The following ITPR2 variants were observed in gnomAD, a reference collection of about 807,000 sequenced individuals.
ITPR2 encodes inositol 1,4,5-trisphosphate-gated calcium channel ITPR2.
A neutral mutation model predicts 317.1 loss-of-function variants in ITPR2; 207 were observed. The ratio of observed to expected loss-of-function variants is 0.65; its 90% confidence interval spans 0.58 to 0.73. The LOEUF is 0.73. Among genes scored for constraint, ITPR2 ranks in the 30% least tolerant of loss-of-function variants. The probability of loss-of-function intolerance (pLI) is 0.00; values close to 1 mark genes in which losing one functional copy is unlikely to be tolerated. For synonymous variants in ITPR2, 1,156 were observed against 1,149.1 expected, an observed-to-expected ratio of 1.01 and a Z score of -0.12; for missense variants, 2,613 against 3,284.0, an observed-to-expected ratio of 0.80 and a Z score of 4.99.
chr12:26,692,221 G>A (rs968288533), intron 10 of ITPR2, among the ~76,000 whole-genome samples: 14 of 146,938 alleles, frequency 9.5e-5, no homozygotes, highest in African/African-American at 2.9e-4. Flanking sequence ...CACATAGACC[G>A]GTGGTTCTCA....
intron 1 of ITPR2, among the ~76,000 whole-genome samples, chr12:26,801,551 G>A (rs1950556140): frequency 6.6e-6 from 1 of 152,166 alleles, no homozygotes; most frequent in Non-Finnish European, 1.5e-5. Context: ...TTTGGAGGAT[G>A]CCTGTCTCTC....
chr12:26,539,089 C>A (rs576492771), intron 37 of ITPR2, among the ~76,000 whole-genome samples: 86 of 152,238 alleles, frequency 5.6e-4, no homozygotes, highest in Non-Finnish European at 1.1e-3. Context: ...GCCTCATATA[C>A]CAGGTTGCAA....
intron 2 of ITPR2, among the ~76,000 whole-genome samples, chr12:26,760,930 G>A (rs1949619574): frequency 6.6e-6 from 1 of 152,248 alleles, no homozygotes; most frequent in South Asian, 2.1e-4. Flanking sequence ...AGCCTCCATG[G>A]TCCCAGGCAC....
intron 1 of ITPR2, among the ~76,000 whole-genome samples, chr12:26,830,526 C>T (rs1592166853): frequency 6.6e-6 from 1 of 152,200 alleles, no homozygotes; most frequent in African/African-American, 2.4e-5. Context: ...GGCATTAATG[C>T]CCTCTGTTTC....
chr12:26,807,162 C>G (rs1350412670), intron 1 of ITPR2, among the ~76,000 whole-genome samples: 1 of 151,656 alleles, frequency 6.6e-6, no homozygotes, highest in African/African-American at 2.4e-5. Context: ...GCACTCCGGC[C>G]TGGGTAACAG....
intron 21 of ITPR2, among the ~76,000 whole-genome samples, chr12:26,639,716 C>T (rs1045842080): frequency 3.4e-5 from 5 of 147,974 alleles, no homozygotes; most frequent in African/African-American, 1.0e-4. Flanking sequence ...TGAGAATATG[C>T]GGTGTTTGGT....
intron 55 of ITPR2, among the ~76,000 whole-genome samples, chr12:26,353,986 GT>G (rs1455223008): frequency 6.6e-6 from 1 of 152,084 alleles, no homozygotes; most frequent in Non-Finnish European, 1.5e-5. Flanking sequence ...ATTAAAAACT[GT>G]TTTGGGCCAG....
chr12:26,621,056 C>T, intron 26 of ITPR2, 67 bp downstream of exon 26: 4 of 1,335,380 alleles, frequency 3.0e-6, no homozygotes, highest in Non-Finnish European at 4.1e-6. Flanking sequence ...GATTGTAGAG[C>T]ATGTGGTTAT....
chr12:26,543,925 C>G (rs938358774), intron 37 of ITPR2, among the ~76,000 whole-genome samples: 1 of 152,076 alleles, frequency 6.6e-6, no homozygotes, highest in Admixed American at 6.5e-5. Context: ...TATGCCAACC[C>G]CAAAGGAAAA....
chr12:26,403,158 T>A (rs984164487), intron 52 of ITPR2, among the ~76,000 whole-genome samples: 17 of 152,078 alleles, frequency 1.1e-4, no homozygotes, highest in African/African-American at 3.9e-4. Context: ...TCCAGGCAGA[T>A]AACACAGGAT....
At chr12:26,419,493 G>GT (rs1054911518) in intron 49 of ITPR2, 2 of 268,210 alleles carry the variant, frequency 7.5e-6, no homozygotes, top group Admixed American at 1.0e-4. Flanking sequence ...AGAGAGAATG[G>GT]TAAGAGACTA....
chr12:26,393,459 C>G (rs1336834162), intron 54 of ITPR2, among the ~76,000 whole-genome samples: 1 of 152,132 alleles, frequency 6.6e-6, no homozygotes, highest in Non-Finnish European at 1.5e-5. Flanking sequence ...TGTGTTTCTG[C>G]TCAAGGTCCT....
Position 26,487,192 on chromosome 12 carries a change from G to A in ITPR2, c.5430C>T (p.Leu1810=). ...TCTGAGCAGCCTTCATTCGATCATA[G>A]AGAACTTTAAAGAATTTTTCTGACT... ...QKKSEKFFKV[L]YDRMKAAQKE... is the part of the protein sequence containing the mutation. Residue 1810 remains leucine, a synonymous_variant, in exon 40 of 57, where the codon CTC becomes CTT. Coordinates refer to ENST00000381340, the MANE Select transcript of ITPR2 (RefSeq NM_002223.4). The A allele has an allele frequency of 1.2e-6, 2 of 1,612,150 alleles. No individual in the cohort carries two copies. The highest frequency in any genetic ancestry group is 2.2e-5 in the East Asian group (1 of 44,846).
At chr12:26,606,767 A>C (rs1946138398) in intron 26 of ITPR2, among the ~76,000 whole-genome samples, 1 of 151,984 alleles carries the variant, frequency 6.6e-6, no homozygotes, top group South Asian at 2.1e-4. Flanking sequence ...CTCTGTCTCT[A>C]TAAAAAATAA....
At chr12:26,818,486 C>G (rs1321798782) in intron 1 of ITPR2, among the ~76,000 whole-genome samples, 1 of 152,152 alleles carries the variant, frequency 6.6e-6, no homozygotes, top group Non-Finnish European at 1.5e-5. Flanking sequence ...TAAATTGGAA[C>G]TCAGCTATTA....
intron 48 of ITPR2, among the ~76,000 whole-genome samples, chr12:26,431,863 G>T (rs1229054541): frequency 6.6e-6 from 1 of 152,144 alleles, no homozygotes; most frequent in Non-Finnish European, 1.5e-5. Flanking sequence ...CAGTCCCTCT[G>T]TTCTCACCAC....
At chr12:26,448,987 C>T (rs1292721141) in intron 45 of ITPR2, among the ~76,000 whole-genome samples, 2 of 151,924 alleles carry the variant, frequency 1.3e-5, no homozygotes, top group Non-Finnish European at 2.9e-5. Context: ...TTAGTGGCAC[C>T]CTTTATTATC....
chr12:26,712,267 A>G (rs1948657846), intron 8 of ITPR2, among the ~76,000 whole-genome samples: 1 of 152,170 alleles, frequency 6.6e-6, no homozygotes. Flanking sequence ...ACTCTCCCTC[A>G]GCACATTACG....
At chr12:26,481,067 G>T in intron 43 of ITPR2, 64 bp downstream of exon 43, 1 of 869,408 alleles carries the variant, frequency 1.2e-6, no homozygotes, top group Non-Finnish European at 1.9e-6. Context: ...TTTGACAAGA[G>T]CTGCTTGAAG....
Sources: gnomAD v4.1 joint callset for allele counts (sites outside exome capture counted in the v4.1 genomes callset) on GRCh38, gnomAD v4.1.1 for gene constraint, MANE v1.5 for transcripts, NCBI Gene and HGNC (gene_info 2026-07-23, HGNC 2026-07-21) for gene names.